Variants in GPR158 observed in about 807,000 individuals in gnomAD.
GPR158 encodes metabotropic glycine receptor.
A neutral mutation model predicts 78.2 loss-of-function variants in GPR158; 30 were observed. The observed-to-expected ratio is 0.38, with a 90% CI of 0.29 to 0.52. The LOEUF is 0.52. GPR158 is among the 20% of genes least tolerant of loss of function. GPR158 has a pLI of 0.83. For missense variants in GPR158, 1,463 were observed against 1,523.5 expected, an observed-to-expected ratio of 0.96 and a Z score of 0.66; for synonymous variants, 581 against 591.1, an observed-to-expected ratio of 0.98 and a Z score of 0.25.
At chr10:25,592,986 T>C (rs1837361589) in intron 8 of GPR158, among the ~76,000 whole-genome samples, 1 of 151,634 alleles carries the variant, frequency 6.6e-6, no homozygotes, top group Non-Finnish European at 1.5e-5. Flanking sequence ...CAAAACTGGT[T>C]CAGTTTTGCA....
intron 5 of GPR158, among the ~76,000 whole-genome samples, chr10:25,548,891 G>A (rs938688233): frequency 7.2e-5 from 11 of 152,196 alleles, no homozygotes; most frequent in African/African-American, 2.6e-4. Flanking sequence ...ATATTAACAA[G>A]TCCTGAACTT....
intron 7 of GPR158, among the ~76,000 whole-genome samples, chr10:25,583,248 C>CCG (rs1242702340): frequency 5.9e-5 from 9 of 152,152 alleles, no homozygotes; most frequent in African/African-American, 1.7e-4. Context: ...GGAGCTGAAT[C>CCG]AACTGACTTT....
At chr10:25,495,149 C>CTTTT (rs1302799395) in intron 5 of GPR158, among the ~76,000 whole-genome samples, 1 of 137,828 alleles carries the variant, frequency 7.3e-6, no homozygotes, top group Admixed American at 7.3e-5. Flanking sequence ...AATCCACTAA[C>CTTTT]TTTTTTTTTT....
chr10:25,301,986 A>AT (rs1479131472), intron 2 of GPR158, among the ~76,000 whole-genome samples: 1 of 148,602 alleles, frequency 6.7e-6, no homozygotes, highest in Non-Finnish European at 1.5e-5. Context: ...TACAGTATGT[A>AT]TTTTTCTGTG....
intron 4 of GPR158, 66 bp downstream of exon 4, chr10:25,412,539 A>C: frequency 9.0e-7 from 1 of 1,111,910 alleles, no homozygotes. Flanking sequence ...TTAAGCAAAC[A>C]GAATTTTCCA....
At chr10:25,332,185 C>A (rs1352456717) in intron 2 of GPR158, among the ~76,000 whole-genome samples, 1 of 152,106 alleles carries the variant, frequency 6.6e-6, no homozygotes, top group Admixed American at 6.6e-5. Flanking sequence ...AGGAGGGCAG[C>A]AGTTTCCCAG....
intron 2 of GPR158, among the ~76,000 whole-genome samples, chr10:25,385,438 A>C (rs1018223424): frequency 6.6e-6 from 1 of 152,160 alleles, no homozygotes; most frequent in African/African-American, 2.4e-5. Flanking sequence ...TGGGTATGCA[A>C]ATAGCTCTTC....
chr10:25,260,657 G>A (rs112976622), intron 2 of GPR158, among the ~76,000 whole-genome samples: 3,083 of 151,994 alleles, frequency 0.02, 75 homozygotes, highest in South Asian at 0.058. Flanking sequence ...CTTTGAAAGC[G>A]CTGGGTTTAA....
Position 25,596,804 on chromosome 10 carries a change from C to T in GPR158, c.2145+15C>T. 6.2e-7 allele frequency: 1 copy of T among 1,607,284 alleles called. No individual in the cohort carries two copies. The highest frequency in any genetic ancestry group is 8.5e-7 in the Non-Finnish European group (1 of 1,175,544). On this transcript the variant is annotated intron_variant, in intron 10 of 10. Transcript: ENST00000376351. ...AGGACATTCGGGTAATGCCAGTACT[C>T]TATCTTTCTTCCTATTTCAGATTAG...
chr10:25,233,733 G>C (rs1011572622), intron 2 of GPR158, among the ~76,000 whole-genome samples: 1 of 152,174 alleles, frequency 6.6e-6, no homozygotes, highest in Non-Finnish European at 1.5e-5. Flanking sequence ...TAGTAATTCA[G>C]AGCCATTATT....
chr10:25,472,787 T>G (rs1835526031), intron 5 of GPR158, among the ~76,000 whole-genome samples: 1 of 152,218 alleles, frequency 6.6e-6, no homozygotes. Context: ...ATGCTTGTGA[T>G]TTTTGCACAT....
chr10:25,267,749 A>G (rs1854062240), intron 2 of GPR158, among the ~76,000 whole-genome samples: 1 of 152,132 alleles, frequency 6.6e-6, no homozygotes, highest in Non-Finnish European at 1.5e-5. Flanking sequence ...GTTGTTTTAA[A>G]TGAAAGTAAA....
In GPR158 at chr10:25,599,981, G is replaced by A. The variant is rs375062148; in HGVS notation, c.*707G>A. ...AGTACAGTAAGCTTTCTCTGGCTTGGGAAGCCATAACTGTTACTATAAAAA... is the reference window on the plus strand; with the variant it reads ...AGTACAGTAAGCTTTCTCTGGCTTGAGAAGCCATAACTGTTACTATAAAAA... On this transcript the variant is annotated 3_prime_UTR_variant, in exon 11 of 11. Coordinates refer to ENST00000376351, the MANE Select transcript of GPR158 (RefSeq NM_020752.3). The A allele has an allele frequency of 3.3e-5, 5 of 152,732 alleles. No individual in the cohort carries two copies. Among genetic ancestry groups the A allele is most frequent in the African/African-American group, 1.2e-4 (5 of 41,548 alleles). 9.5% of individuals were successfully genotyped at this position (152,732 alleles called of 1,614,324 possible). A position where few individuals can be genotyped will look rare whatever the true frequency, so the allele number is the denominator to read the frequency against.
At chr10:25,443,801 C>G (rs539463752) in intron 4 of GPR158, among the ~76,000 whole-genome samples, 1 of 151,912 alleles carries the variant, frequency 6.6e-6, no homozygotes, top group African/African-American at 2.4e-5. Flanking sequence ...ACTTTTCTCC[C>G]TCTGCCATCA....
chr10:25,400,980 G>A (rs1490101080), intron 3 of GPR158, among the ~76,000 whole-genome samples: 2 of 152,178 alleles, frequency 1.3e-5, no homozygotes, highest in Non-Finnish European at 2.9e-5. Context: ...AAGAAGGGAA[G>A]CTCATTGAAA....
At chr10:25,597,109 T>G (rs1212202301) in intron 10 of GPR158, among the ~76,000 whole-genome samples, 1 of 152,224 alleles carries the variant, frequency 6.6e-6, no homozygotes, top group Non-Finnish European at 1.5e-5. Flanking sequence ...CCATAATACA[T>G]GTTTATAACA....
intron 3 of GPR158, among the ~76,000 whole-genome samples, chr10:25,396,603 A>C (rs824593): frequency 0.57 from 86,422 of 151,744 alleles, 27,033 homozygotes; most frequent in Non-Finnish European, 0.73. Flanking sequence ...GTTCAAAACC[A>C]GCCTGGACAA....
At chr10:25,241,001 T>C (rs917083753) in intron 2 of GPR158, among the ~76,000 whole-genome samples, 1 of 152,166 alleles carries the variant, frequency 6.6e-6, no homozygotes, top group Non-Finnish European at 1.5e-5. Flanking sequence ...TTGAGGAAAG[T>C]GGTGATTTCT....
intron 2 of GPR158, among the ~76,000 whole-genome samples, chr10:25,234,450 A>G (rs1381382659): frequency 6.6e-6 from 1 of 152,232 alleles, no homozygotes; most frequent in Non-Finnish European, 1.5e-5. Context: ...AAGAATGTTC[A>G]TTTATTATTT....
Sources: gnomAD v4.1 joint callset for allele counts (sites outside exome capture counted in the v4.1 genomes callset) on GRCh38, gnomAD v4.1.1 for gene constraint, MANE v1.5 for transcripts, NCBI Gene and HGNC (gene_info 2026-07-23, HGNC 2026-07-21) for gene names.